Variants in PCDH15 observed in about 807,000 individuals in gnomAD.
PCDH15 encodes protocadherin related 15.
In PCDH15, 129 loss-of-function variants were observed where a neutral mutation model predicts 178.5. The observed-to-expected ratio is 0.72, with a 90% CI of 0.63 to 0.84. The LOEUF (loss-of-function observed/expected upper bound fraction) is 0.84. PCDH15 is among the 40% of genes least tolerant of loss of function. The pLI, the probability that PCDH15 is intolerant of heterozygous loss-of-function variation, is 0.00. For synonymous variants in PCDH15, 800 were observed against 732.0 expected, an observed-to-expected ratio of 1.09 and a Z score of -1.50; for missense variants, 2,230 against 2,099.9, an observed-to-expected ratio of 1.06 and a Z score of -1.21.
chr10:54,791,869 T>C (rs1320964924), intron 1 of PCDH15, among the ~76,000 whole-genome samples: 4 of 151,928 alleles, frequency 2.6e-5, no homozygotes, highest in African/African-American at 9.7e-5. Flanking sequence ...CATCTACCTG[T>C]TGACTATTTC....
chr10:54,144,041 T>C (rs2043657226), intron 14 of PCDH15, among the ~76,000 whole-genome samples: 1 of 151,368 alleles, frequency 6.6e-6, no homozygotes, highest in Non-Finnish European at 1.5e-5. Context: ...AAGCTTCTTT[T>C]GCAAGTAGAT....
chr10:54,182,666 G>A (rs1464484852), intron 13 of PCDH15, among the ~76,000 whole-genome samples: 1 of 152,008 alleles, frequency 6.6e-6, no homozygotes, highest in East Asian at 1.9e-4. Flanking sequence ...AATTTTCTCT[G>A]CTGTAATGAT....
intron 1 of PCDH15, among the ~76,000 whole-genome samples, chr10:55,198,059 T>G (rs895205167): frequency 6.6e-6 from 1 of 152,128 alleles, no homozygotes; most frequent in Admixed American, 6.5e-5. Context: ...TAGATATAGA[T>G]AGATAGTGAA....
chr10:55,159,727 T>C (rs1430642009), intron 2 of PCDH15, among the ~76,000 whole-genome samples: 2 of 147,836 alleles, frequency 1.4e-5, no homozygotes, highest in Non-Finnish European at 3.0e-5. Context: ...AGATATTGTA[T>C]ATTATGTATA....
chr10:53,814,972 A>AT (rs2076008792), intron 35 of PCDH15, among the ~76,000 whole-genome samples: 2 of 151,908 alleles, frequency 1.3e-5, no homozygotes. Context: ...CAAAAAAAAA[A>AT]AAAAAAAAAT....
intron 2 of PCDH15, among the ~76,000 whole-genome samples, chr10:54,548,440 A>G (rs918365836): frequency 6.7e-6 from 1 of 148,262 alleles, no homozygotes; most frequent in Non-Finnish European, 1.5e-5. Context: ...TTGAAAAACT[A>G]AGGAAAGTTA....
intron 8 of PCDH15, among the ~76,000 whole-genome samples, chr10:54,284,347 G>A (rs1392105278): frequency 6.6e-6 from 1 of 152,092 alleles, no homozygotes; most frequent in Non-Finnish European, 1.5e-5. Flanking sequence ...TTACCAAATA[G>A]CAAAGTCTAG....
At chr10:53,962,291 C>A (rs187538109) in intron 21 of PCDH15, among the ~76,000 whole-genome samples, 1 of 152,182 alleles carries the variant, frequency 6.6e-6, no homozygotes, top group Non-Finnish European at 1.5e-5. Flanking sequence ...TTCCCCATAA[C>A]CTCAAAACTT....
chr10:55,445,133 T>C (rs1163612950), intron 2 of PCDH15, among the ~76,000 whole-genome samples: 1 of 152,182 alleles, frequency 6.6e-6, no homozygotes, highest in Non-Finnish European at 1.5e-5. Context: ...TTTGAAATTA[T>C]ACAAAAATTG....
At chr10:54,225,154 G>T (rs2053290845) in intron 9 of PCDH15, among the ~76,000 whole-genome samples, 1 of 152,008 alleles carries the variant, frequency 6.6e-6, no homozygotes, top group African/African-American at 2.4e-5. Flanking sequence ...ACCTACACTA[G>T]AAAGACCGAG....
At chr10:55,551,597 G>A (rs1272300071) in intron 2 of PCDH15, among the ~76,000 whole-genome samples, 1 of 151,740 alleles carries the variant, frequency 6.6e-6, no homozygotes, top group Non-Finnish European at 1.5e-5. Flanking sequence ...ATTGAAATGT[G>A]AGTAAAGTAG....
intron 3 of PCDH15, among the ~76,000 whole-genome samples, chr10:54,467,964 C>T (rs777619900): frequency 2.6e-5 from 4 of 151,780 alleles, no homozygotes; most frequent in Non-Finnish European, 5.9e-5. Context: ...TAGGGTTATT[C>T]GTAATCGTCT....
intron 2 of PCDH15, among the ~76,000 whole-genome samples, chr10:55,447,852 T>G (rs1400348782): frequency 6.6e-6 from 1 of 151,728 alleles, no homozygotes; most frequent in Non-Finnish European, 1.5e-5. Flanking sequence ...GAGTATAAAG[T>G]GTGGAGTATA....
intron 18 of PCDH15, among the ~76,000 whole-genome samples, chr10:54,048,254 CT>C (rs1165168324): frequency 7.2e-5 from 11 of 151,742 alleles, no homozygotes; most frequent in Non-Finnish European, 1.3e-4. Context: ...GGCCTTATTT[CT>C]TTTTTGTTTG....
At chr10:55,111,822 C>T (rs897006926) in intron 2 of PCDH15, among the ~76,000 whole-genome samples, 6 of 152,162 alleles carry the variant, frequency 3.9e-5, no homozygotes, top group Admixed American at 6.5e-5. Context: ...CATTGCACTA[C>T]GGCCTGGGCA....
intron 2 of PCDH15, among the ~76,000 whole-genome samples, chr10:55,491,425 T>C (rs1033799047): frequency 4.6e-5 from 7 of 151,796 alleles, no homozygotes; most frequent in African/African-American, 1.4e-4. Context: ...CTATTTCCCC[T>C]GCCCCACCTT....
intron 28 of PCDH15, among the ~76,000 whole-genome samples, chr10:53,845,732 T>C (rs2077928495): frequency 6.6e-6 from 1 of 151,586 alleles, no homozygotes; most frequent in Non-Finnish European, 1.5e-5. Flanking sequence ...GGAAGAAAGA[T>C]GGGGATAATG....
intron 1 of PCDH15, among the ~76,000 whole-genome samples, chr10:55,232,112 T>C (rs1378180358): frequency 6.6e-6 from 1 of 152,046 alleles, no homozygotes; most frequent in Non-Finnish European, 1.5e-5. Flanking sequence ...TTCCATATTG[T>C]AACACTGTCA....
intron 6 of PCDH15, among the ~76,000 whole-genome samples, chr10:54,343,806 A>AAAAAAT: frequency 6.6e-6 from 1 of 152,158 alleles, no homozygotes; most frequent in East Asian, 1.9e-4. Flanking sequence ...AATAAAAAAT[A>AAAAAAT]AAAAATAAAA....
Sources: allele counts gnomAD v4.1 joint callset (sites outside exome capture counted in the v4.1 genomes callset), GRCh38; gene constraint gnomAD v4.1.1; transcripts MANE v1.5; gene names NCBI Gene and HGNC (gene_info 2026-07-23, HGNC 2026-07-21).